SIPA1L1: variants seen among roughly 807,000 people sequenced by gnomAD.
The protein encoded by SIPA1L1 is signal-induced proliferation-associated 1-like protein 1.
In SIPA1L1, 26 loss-of-function variants were observed where a neutral mutation model predicts 162.7. The ratio of observed to expected loss-of-function variants is 0.16; its 90% confidence interval spans 0.12 to 0.22. The LOEUF is 0.22. SIPA1L1 is among the 10% of genes least tolerant of loss of function. The pLI, the probability that SIPA1L1 is intolerant of heterozygous loss-of-function variation, is 1.00. For missense variants in SIPA1L1, 1,874 were observed against 2,241.0 expected (o/e 0.84, Z 3.31); for synonymous variants, 829 against 837.4 (o/e 0.99, Z 0.17).
chr14:71,679,232 G>C (rs1246599181), intron 12 of SIPA1L1, among the ~76,000 whole-genome samples: 3 of 152,074 alleles, frequency 2.0e-5, no homozygotes, highest in African/African-American at 7.2e-5. Context: ...ACTAACAGTG[G>C]CTCTCTGCAG....
chr14:71,607,650 C>G (rs549692187), intron 5 of SIPA1L1, among the ~76,000 whole-genome samples: 1 of 152,276 alleles, frequency 6.6e-6, no homozygotes, highest in South Asian at 2.1e-4. Flanking sequence ...TCCAGAGTCC[C>G]TCCCTTTGCT....
Position 71,635,742 on chromosome 14 carries a change from C to G in SIPA1L1, c.1818+11506C>G, listed in dbSNP as rs191536057. Among the ~76,000 whole-genome samples, 173 of 152,132 alleles carry G rather than the reference C, an allele frequency of 1.1e-3. 1 individual carries two copies. The highest frequency in any genetic ancestry group is 1.9e-3 in the Non-Finnish European group (128 of 67,980). On this transcript the variant is annotated intron_variant, in intron 7 of 23. Transcript: ENST00000381232. ...TTAAACTCTAATGCAGAAATTAGTT[C>G]ATTAAAAGCAAAAGATCTAAATATA...
rs918610430 is a variant in SIPA1L1 at position 71,573,401 on chromosome 14, G to A, written c.-302-14170G>A. 2.7e-5 allele frequency: 10 copies of A among 364,118 alleles called. No homozygotes were observed. In the East Asian group the frequency reaches 7.3e-4, roughly 27 times the overall value. The allele number at this position is 364,118 out of a possible 1,614,324, so 22.6% of individuals were successfully genotyped here. ...AAAATCAAATAAGATGCAGTTCCTG[G>A]CCTGAAGCACTTACATTTCAGTGGG... is the stretch of plus-strand genomic sequence containing the variant. On this transcript the variant is annotated intron_variant, in intron 4 of 23. Transcript: ENST00000381232.
At chr14:71,359,520 T>G (rs2037594827) in intron 2 of SIPA1L1, among the ~76,000 whole-genome samples, 1 of 152,206 alleles carries the variant, frequency 6.6e-6, no homozygotes, top group South Asian at 2.1e-4. Context: ...TTTTGTCTGT[T>G]TATATATCCC....
At chr14:71,412,348 T>G (rs958225647) in intron 2 of SIPA1L1, among the ~76,000 whole-genome samples, 1 of 152,246 alleles carries the variant, frequency 6.6e-6, no homozygotes, top group African/African-American at 2.4e-5. Flanking sequence ...GTGTATTTTA[T>G]GTGTGGCTTA....
chr14:71,559,120 T>TGCAGTGGC (rs1200051697), intron 4 of SIPA1L1, among the ~76,000 whole-genome samples: 1 of 151,000 alleles, frequency 6.6e-6, no homozygotes, highest in African/African-American at 2.4e-5. Context: ...CAGGCTGGAG[T>TGCAGTGGC]GCAGTGGCGC....
At chr14:71,727,284 A>G (rs566019800) in intron 19 of SIPA1L1, among the ~76,000 whole-genome samples, 13 of 152,184 alleles carry the variant, frequency 8.5e-5, no homozygotes, top group Admixed American at 4.6e-4. Context: ...CAGGTGACAC[A>G]TGTCACTAAT....
chr14:71,665,911 C>A (rs1017385720), intron 10 of SIPA1L1, among the ~76,000 whole-genome samples: 1 of 152,126 alleles, frequency 6.6e-6, no homozygotes, highest in Non-Finnish European at 1.5e-5. Flanking sequence ...AATGTGGTCT[C>A]TCTCTCAAAA....
intron 7 of SIPA1L1, among the ~76,000 whole-genome samples, chr14:71,634,893 GC>G (rs1371522349): frequency 6.6e-6 from 1 of 151,452 alleles, no homozygotes; most frequent in East Asian, 1.9e-4. Context: ...CAGAGATCGT[GC>G]CACTGCACTC....
chr14:71,483,312 G>A (rs1223524064), intron 2 of SIPA1L1, among the ~76,000 whole-genome samples: 2 of 152,304 alleles, frequency 1.3e-5, no homozygotes, highest in Middle Eastern at 3.4e-3. Context: ...AGTGGGGAAC[G>A]TGCTCTGTGG....
At chr14:71,479,547 C>G (rs1161064699) in intron 2 of SIPA1L1, among the ~76,000 whole-genome samples, 1 of 149,884 alleles carries the variant, frequency 6.7e-6, no homozygotes. Flanking sequence ...AGGCATGTGC[C>G]ACGATGCGGG....
At chr14:71,605,369 G>A (rs1383651511) in intron 5 of SIPA1L1, among the ~76,000 whole-genome samples, 2 of 151,952 alleles carry the variant, frequency 1.3e-5, no homozygotes, top group East Asian at 3.9e-4. Flanking sequence ...CTAGGATTTT[G>A]TATATTTCTT....
At chr14:71,541,129 G>A (rs1406010017) in intron 4 of SIPA1L1, among the ~76,000 whole-genome samples, 1 of 151,462 alleles carries the variant, frequency 6.6e-6, no homozygotes, top group African/African-American at 2.4e-5. Flanking sequence ...AAAAAAAAAA[G>A]AAGAAGAACT....
chr14:71,624,654 A>G (rs1271034082), intron 7 of SIPA1L1, among the ~76,000 whole-genome samples: 2 of 152,180 alleles, frequency 1.3e-5, no homozygotes, highest in East Asian at 1.9e-4. Context: ...TAATCTCCCT[A>G]CACTGTGAGA....
Position 71,699,100 on chromosome 14 carries a change from C to T in SIPA1L1, c.3494C>T (p.Thr1165Ile). 2 of 1,614,172 alleles carry T rather than the reference C, an allele frequency of 1.2e-6. No homozygotes were observed. The highest frequency in any genetic ancestry group is 8.5e-7 in the Non-Finnish European group (1 of 1,180,008). ...SSSDTGSVGG[T>I]YRQKSMPEGF... ...AGTGATACTGGTTCTGTGGGGGGCACTTACAGGCAGAAGTCCATGCCCGAA... is the reference window on the plus strand; with the variant it reads ...AGTGATACTGGTTCTGTGGGGGGCATTTACAGGCAGAAGTCCATGCCCGAA... Residue 1165 changes from threonine to isoleucine, a missense_variant, in exon 14 of 24, where the codon ACT becomes ATT. By Grantham distance (89) the Thr-to-Ile change is moderately conservative. This residue lies in a region of SIPA1L1 where 936 missense variants were observed against 1,051.9 expected (regional missense o/e 0.89). Coordinates refer to ENST00000381232, the MANE Select transcript of SIPA1L1 (RefSeq NM_001386936.1).
At chr14:71,333,965 G>C (rs2034827156) in intron 2 of SIPA1L1, among the ~76,000 whole-genome samples, 1 of 152,220 alleles carries the variant, frequency 6.6e-6, no homozygotes, top group African/African-American at 2.4e-5. Flanking sequence ...AGATGATGTG[G>C]AGTGTGACAA....
chr14:71,335,330 A>G (rs978670700), intron 2 of SIPA1L1, among the ~76,000 whole-genome samples: 1 of 152,184 alleles, frequency 6.6e-6, no homozygotes, highest in Non-Finnish European at 1.5e-5. Flanking sequence ...TTTAGCCAAC[A>G]GATGTGGTGG....
chr14:71,436,656 A>G (rs1042255383), intron 2 of SIPA1L1, among the ~76,000 whole-genome samples: 3 of 151,566 alleles, frequency 2.0e-5, no homozygotes, highest in Admixed American at 6.6e-5. Context: ...ATTTTATACT[A>G]TCTGGCAAAT....
intron 2 of SIPA1L1, among the ~76,000 whole-genome samples, chr14:71,452,166 A>C (rs891473456): frequency 1.8e-4 from 27 of 149,046 alleles, no homozygotes; most frequent in Non-Finnish European, 2.8e-4. Context: ...ATTACAGGAA[A>C]CCCCCCCCTC....
Sources: allele counts gnomAD v4.1 joint callset (sites outside exome capture counted in the v4.1 genomes callset), GRCh38; gene constraint gnomAD v4.1.1; regional missense constraint gnomAD v4.1.1; transcripts MANE v1.5; gene names NCBI Gene and HGNC (gene_info 2026-07-23, HGNC 2026-07-21).